GRID1: variants seen among roughly 807,000 people sequenced by gnomAD.
The protein encoded by GRID1 is glutamate ionotropic receptor delta type subunit 1.
Under a neutral mutation model 98.0 loss-of-function variants are expected in GRID1, and 28 were observed. The observed-to-expected ratio is 0.29, with a 90% CI of 0.21 to 0.39. The LOEUF (loss-of-function observed/expected upper bound fraction) is 0.39, where lower values mean the gene tolerates loss of function less well. GRID1 is among the 10% of genes least tolerant of loss of function. The pLI is 1.00. For synonymous variants in GRID1, 553 were observed against 538.5 expected, an observed-to-expected ratio of 1.03 and a Z score of -0.37; for missense variants, 1,111 against 1,340.5, an observed-to-expected ratio of 0.83 and a Z score of 2.67.
chr10:85,826,567 G>C (rs574034082), intron 8 of GRID1, among the ~76,000 whole-genome samples: 1 of 151,996 alleles, frequency 6.6e-6, no homozygotes, highest in Admixed American at 6.6e-5. Flanking sequence ...CTCCATTTGT[G>C]CCAGTGCCCC....
At chr10:85,997,231 C>A (rs1484946902) in intron 4 of GRID1, among the ~76,000 whole-genome samples, 1 of 152,048 alleles carries the variant, frequency 6.6e-6, no homozygotes, top group Non-Finnish European at 1.5e-5. Flanking sequence ...GAAACCCCAT[C>A]TCTACTAAAA....
At chr10:86,021,212 G>T (rs1009510776) in intron 4 of GRID1, among the ~76,000 whole-genome samples, 6 of 152,130 alleles carry the variant, frequency 3.9e-5, no homozygotes, top group African/African-American at 1.2e-4. Flanking sequence ...TTTTTAAAAG[G>T]CATTAACTCC....
At position 85,613,578 on chromosome 10, in the gene GRID1, G is replaced by A. The variant is rs998270314; in HGVS notation, c.2430C>T (p.Arg810=). ...CGCTGGCATGGCTGGTGAGGTCACA[G>A]CGGCCCATGTGCGGCCACCACTTCT... ...LKQKWWPHMG[R]CDLTSHASAQ... is the part of the protein sequence containing the mutation. Residue 810 remains arginine, a synonymous_variant, in exon 15 of 16, where the codon CGC becomes CGT. Coordinates refer to ENST00000327946, the MANE Select transcript of GRID1 (RefSeq NM_017551.3). 1 of 1,614,048 alleles carries A rather than the reference G, an allele frequency of 6.2e-7. No individual in the cohort carries two copies. The highest frequency in any genetic ancestry group is 8.5e-7 in the Non-Finnish European group (1 of 1,180,040).
At chr10:86,153,726 C>T (rs974624983) in intron 3 of GRID1, among the ~76,000 whole-genome samples, 4 of 152,220 alleles carry the variant, frequency 2.6e-5, no homozygotes, top group East Asian at 1.9e-4. Flanking sequence ...CACAGAGCCC[C>T]GCCACCAAAA....
chr10:86,063,991 G>A lies in GRID1; in HGVS notation c.726+74828C>T, dbSNP rs563945712. On this transcript the variant is annotated intron_variant, in intron 4 of 15. Coordinates refer to ENST00000327946, the MANE Select transcript of GRID1 (RefSeq NM_017551.3). The stretch of plus-strand genomic sequence containing the variant: ...TTTAAAAAAGAGTGTGTCAACCCCC[G>A]ATCTAGAAGAAGAGATACAAAGATA... Among the ~76,000 whole-genome samples, 244 of 152,238 alleles carry A rather than the reference G, an allele frequency of 1.6e-3. 1 individual carries two copies. The Middle Eastern group carries it at 0.02, about 13-fold the overall frequency.
intron 6 of GRID1, among the ~76,000 whole-genome samples, chr10:85,868,219 C>T (rs1843239850): frequency 6.6e-6 from 1 of 152,222 alleles, no homozygotes; most frequent in Non-Finnish European, 1.5e-5. Context: ...TCCTTCTGTC[C>T]TGGTGCTCTC....
At chr10:85,643,896 G>A (rs1447943572) in intron 13 of GRID1, among the ~76,000 whole-genome samples, 49 of 152,160 alleles carry the variant, frequency 3.2e-4, no homozygotes, top group Non-Finnish European at 4.4e-5. Context: ...TGCATCGTTT[G>A]CTACTGATTT....
At chr10:85,641,467 G>A (rs1341583898) in intron 13 of GRID1, among the ~76,000 whole-genome samples, 1 of 152,184 alleles carries the variant, frequency 6.6e-6, no homozygotes, top group African/African-American at 2.4e-5. Context: ...AGGAAATAGA[G>A]GCACAAGCAA....
intron 2 of GRID1, among the ~76,000 whole-genome samples, chr10:86,320,580 G>C (rs1367769454): frequency 6.6e-6 from 1 of 152,116 alleles, no homozygotes; most frequent in Non-Finnish European, 1.5e-5. Context: ...TTCTGTTTGG[G>C]AAAATGAAAA....
At chr10:86,131,074 A>G (rs1239692953) in intron 4 of GRID1, among the ~76,000 whole-genome samples, 2 of 152,160 alleles carry the variant, frequency 1.3e-5, no homozygotes, top group African/African-American at 4.8e-5. Flanking sequence ...ATGTGCAGAG[A>G]ATGGCACCAG....
chr10:86,208,443 C>G (rs886638076), intron 2 of GRID1, among the ~76,000 whole-genome samples: 1 of 152,076 alleles, frequency 6.6e-6, no homozygotes, highest in African/African-American at 2.4e-5. Flanking sequence ...TAAAAGCCCA[C>G]TCCTGAAAGG....
At chr10:85,965,334 C>A (rs373117345) in intron 4 of GRID1, among the ~76,000 whole-genome samples, 1 of 152,160 alleles carries the variant, frequency 6.6e-6, no homozygotes, top group South Asian at 2.1e-4. Flanking sequence ...GACACATGCA[C>A]ACATATGTTT....
intron 12 of GRID1, among the ~76,000 whole-genome samples, chr10:85,684,466 T>C (rs1202094463): frequency 6.6e-6 from 1 of 152,204 alleles, no homozygotes; most frequent in African/African-American, 2.4e-5. Context: ...GTTATATTCA[T>C]ATATTAAAGT....
chr10:86,356,625 C>G (rs1848537272), intron 2 of GRID1, among the ~76,000 whole-genome samples: 1 of 152,214 alleles, frequency 6.6e-6, no homozygotes, highest in Non-Finnish European at 1.5e-5. Flanking sequence ...GCAATGGACA[C>G]ACAGCAGGAG....
intron 4 of GRID1, among the ~76,000 whole-genome samples, chr10:85,973,361 C>T (rs1341702033): frequency 6.6e-6 from 1 of 152,072 alleles, no homozygotes; most frequent in Non-Finnish European, 1.5e-5. Context: ...CTACTTTTTG[C>T]TATTTGTAGT....
At chr10:85,705,343 A>C (rs1841503125) in intron 12 of GRID1, among the ~76,000 whole-genome samples, 1 of 152,298 alleles carries the variant, frequency 6.6e-6, no homozygotes, top group East Asian at 1.9e-4. Context: ...TACACAAATA[A>C]ACTAGAAAAT....
At chr10:86,344,801 G>A (rs1307847904) in intron 2 of GRID1, among the ~76,000 whole-genome samples, 2 of 152,180 alleles carry the variant, frequency 1.3e-5, no homozygotes, top group African/African-American at 2.4e-5. Flanking sequence ...CTGCATACGG[G>A]CATCCCTGGG....
chr10:86,026,400 A>T (rs1843117837), intron 4 of GRID1, among the ~76,000 whole-genome samples: 1 of 152,230 alleles, frequency 6.6e-6, no homozygotes, highest in South Asian at 2.1e-4. Flanking sequence ...ATTTCTGAAC[A>T]TATAAATGAT....
chr10:85,734,131 G>A (rs895742932), intron 8 of GRID1, among the ~76,000 whole-genome samples: 1 of 152,104 alleles, frequency 6.6e-6, no homozygotes. Flanking sequence ...TGGCTGTAAG[G>A]AATTTTGGTC....
Sources: gnomAD v4.1 joint callset for allele counts (sites outside exome capture counted in the v4.1 genomes callset) on GRCh38, gnomAD v4.1.1 for gene constraint, MANE v1.5 for transcripts, NCBI Gene and HGNC (gene_info 2026-07-23, HGNC 2026-07-21) for gene names.